The following ENTREP1 variants were observed in gnomAD, a reference collection of about 807,000 sequenced individuals.
ENTREP1 encodes endosomal transmembrane epsin interactor 1, also known as Friedreich ataxia region gene X123.
the ENTREP1 span, among the ~76,000 whole-genome samples, chr9:69,369,462 G>A: frequency 6.6e-6 from 1 of 152,154 alleles, no homozygotes; most frequent in East Asian, 1.9e-4. Flanking sequence ...GTGTAAAAGT[G>A]TTCCTATTTC....
the ENTREP1 span, chr9:69,336,153 T>G: frequency 1.2e-6 from 1 of 867,080 alleles, no homozygotes; most frequent in Non-Finnish European, 1.8e-6. Context: ...CTTTTGTGAC[T>G]GAGGATTTGT....
At chr9:69,366,797 C>T in the ENTREP1 span, among the ~76,000 whole-genome samples, 1 of 152,010 alleles carries the variant, frequency 6.6e-6, no homozygotes, top group African/African-American at 2.4e-5. Flanking sequence ...AAGAGAGTGT[C>T]TTTTCTCCAA....
chr9:69,325,502 G>C, the ENTREP1 span: 2 of 956,186 alleles, frequency 2.1e-6, no homozygotes, highest in Non-Finnish European at 2.5e-6. Flanking sequence ...CGCTGCTGCC[G>C]GGGTGCTGGC....
the ENTREP1 span, among the ~76,000 whole-genome samples, chr9:69,360,110 A>C: frequency 6.6e-6 from 1 of 152,220 alleles, no homozygotes; most frequent in African/African-American, 2.4e-5. Flanking sequence ...CTGGAAATTA[A>C]ACACACATTT....
At chr9:69,341,512 ATAGGC>A in the ENTREP1 span, among the ~76,000 whole-genome samples, 1 of 151,608 alleles carries the variant, frequency 6.6e-6, no homozygotes, top group South Asian at 2.1e-4. Flanking sequence ...AAGAGTCCAT[ATAGGC>A]TAGGTTGGTA....
the ENTREP1 span, among the ~76,000 whole-genome samples, chr9:69,327,836 G>A: frequency 6.6e-6 from 1 of 152,100 alleles, no homozygotes; most frequent in Non-Finnish European, 1.5e-5. Flanking sequence ...TATAACTGTT[G>A]GCTATTCCTA....
the ENTREP1 span, among the ~76,000 whole-genome samples, chr9:69,362,355 T>G: frequency 6.6e-6 from 1 of 152,206 alleles, no homozygotes; most frequent in Non-Finnish European, 1.5e-5. Context: ...TGCTTCTTGA[T>G]AGCCTCAGGT....
At chr9:69,339,299 G>A in the ENTREP1 span, among the ~76,000 whole-genome samples, 2 of 152,142 alleles carry the variant, frequency 1.3e-5, no homozygotes, top group African/African-American at 4.8e-5. Flanking sequence ...GGGATTACAG[G>A]TATGAGCCAC....
chr9:69,385,575 G>A, the ENTREP1 span, among the ~76,000 whole-genome samples: 212 of 152,178 alleles, frequency 1.4e-3, 1 homozygote, highest in African/African-American at 5.0e-3. Context: ...CTGTTTGTTT[G>A]TTTTAGGTGT....
At chr9:69,358,898 C>CT in the ENTREP1 span, among the ~76,000 whole-genome samples, 1 of 121,180 alleles carries the variant, frequency 8.3e-6, no homozygotes, top group East Asian at 2.5e-4. Context: ...TTTTCTTTTT[C>CT]TTTCTTTTTT....
the ENTREP1 span, among the ~76,000 whole-genome samples, chr9:69,367,866 TATATAA>T: frequency 9.0e-4 from 123 of 137,228 alleles, 2 homozygotes; most frequent in African/African-American, 2.9e-3. Flanking sequence ...TACACACATA[TATATAA>T]ATATATATAT....
chr9:69,341,391 G>A, the ENTREP1 span, among the ~76,000 whole-genome samples: 1 of 152,136 alleles, frequency 6.6e-6, no homozygotes, highest in Non-Finnish European at 1.5e-5. Context: ...TTAAAAAATG[G>A]TCTTTCAGTT....
the ENTREP1 span, among the ~76,000 whole-genome samples, chr9:69,352,510 G>C: frequency 6.6e-6 from 1 of 152,150 alleles, no homozygotes; most frequent in East Asian, 1.9e-4. Flanking sequence ...AATAATATTT[G>C]CAATAATAAC....
the ENTREP1 span, among the ~76,000 whole-genome samples, chr9:69,346,113 G>T: frequency 1.3e-5 from 2 of 151,746 alleles, no homozygotes; most frequent in Admixed American, 1.3e-4. Context: ...TTCCCGGGTA[G>T]CTGGGATTAC....
the ENTREP1 span, among the ~76,000 whole-genome samples, chr9:69,363,783 A>G: frequency 6.6e-6 from 1 of 152,182 alleles, no homozygotes; most frequent in African/African-American, 2.4e-5. Context: ...ACCAGAGGGC[A>G]GAGTAGCCCC....
At chr9:69,332,174 T>C in the ENTREP1 span, among the ~76,000 whole-genome samples, 1 of 152,196 alleles carries the variant, frequency 6.6e-6, no homozygotes, top group Non-Finnish European at 1.5e-5. Flanking sequence ...TTTCTCCCCA[T>C]CACCACTCAC....
chr9:69,328,130 C>T, the ENTREP1 span, among the ~76,000 whole-genome samples: 1 of 152,190 alleles, frequency 6.6e-6, no homozygotes, highest in Non-Finnish European at 1.5e-5. Context: ...ACAATGGTTT[C>T]ATCTGCACCC....
the ENTREP1 span, chr9:69,380,925 G>C: frequency 6.6e-6 from 1 of 152,324 alleles, no homozygotes; most frequent in Non-Finnish European, 1.5e-5. Flanking sequence ...CGATGCTTGG[G>C]GTTGAGTCAG....
At chr9:69,336,358 C>T in the ENTREP1 span, 5 of 741,170 alleles carry the variant, frequency 6.7e-6, no homozygotes, top group Admixed American at 7.5e-5. Context: ...AATGCTTAAG[C>T]TTCCTTGTTC....
Sources: allele counts gnomAD v4.1 joint callset (sites outside exome capture counted in the v4.1 genomes callset), GRCh38; gene constraint gnomAD v4.1.1; transcripts MANE v1.5; gene names NCBI Gene and HGNC (gene_info 2026-07-23, HGNC 2026-07-21).